UBOX5: variants seen among roughly 807,000 people sequenced by gnomAD.
The protein encoded by UBOX5 is RING finger protein 37.
In UBOX5, 28 loss-of-function variants were observed where a neutral mutation model predicts 39.0. That is an observed-to-expected ratio of 0.72 (90% CI 0.53 to 0.98). UBOX5 has a LOEUF of 0.98. Ranked by LOEUF, UBOX5 falls within the 50% of genes least tolerant of loss-of-function variation. The pLI is 0.00. For synonymous variants in UBOX5, 283 were observed against 275.5 expected (o/e 1.03, Z -0.27); for missense variants, 585 against 674.4 (o/e 0.87, Z 1.47).
chr20:3,123,271 A>T (rs2066352289), intron 2 of UBOX5, 41 bp downstream of exon 2: 2 of 1,585,628 alleles, frequency 1.3e-6, no homozygotes, highest in East Asian at 4.5e-5. Context: ...ACACATGACA[A>T]ACATAGCATA....
rs1249377964 is a variant in UBOX5 at position 3,122,388 on chromosome 20, T to G, written c.251A>C (p.Tyr84Ser). ...GGQNVTGLEM[Y>S]TSASSSRVSW... ...CACTCTGCTAGATGAGGCAGATGTG[T>G]ACATTTCCAGGCCAGTGACGTTCTG... The change falls in exon 3 of 5, where the codon TAC (tyrosine) becomes TCC (serine). Residue 84 changes from tyrosine (Y) to serine (S), a missense_variant. Tyr to Ser is a moderately radical substitution (Grantham distance 144, BLOSUM62 -2). Transcript: ENST00000217173. 1 of 1,614,090 alleles carries G rather than the reference T, an allele frequency of 6.2e-7. No individual in the cohort carries two copies. The highest frequency in any genetic ancestry group is 8.5e-7 in the Non-Finnish European group (1 of 1,180,020).
intron 1 of UBOX5, among the ~76,000 whole-genome samples, chr20:3,138,274 C>CAAA (rs60424679): frequency 2.2e-4 from 23 of 106,070 alleles, no homozygotes; most frequent in Non-Finnish European, 3.2e-4. Flanking sequence ...GAGACTGTCT[C>CAAA]AAAAAAAAAA....
intron 3 of UBOX5, 103 bp downstream of exon 3, chr20:3,121,281 C>T (rs1173644912): frequency 1.1e-5 from 16 of 1,487,462 alleles, no homozygotes; most frequent in South Asian, 1.4e-5. Context: ...GGCACAGCCT[C>T]GGGAATGTAA....
At chr20:3,112,794 G>A (rs927925161) in intron 4 of UBOX5, among the ~76,000 whole-genome samples, 8 of 151,882 alleles carry the variant, frequency 5.3e-5, no homozygotes, top group Admixed American at 4.6e-4. Flanking sequence ...GCGAAACCCC[G>A]TTTCTAACTA....
intron 1 of UBOX5, among the ~76,000 whole-genome samples, chr20:3,132,958 C>T (rs1432396043): frequency 8.2e-6 from 1 of 122,408 alleles, no homozygotes; most frequent in Non-Finnish European, 1.8e-5. Context: ...CCAGTCTCTA[C>T]AAAAAAAAAA....
intron 1 of UBOX5, chr20:3,148,859 G>T: frequency 1.2e-6 from 2 of 1,614,222 alleles, no homozygotes; most frequent in Non-Finnish European, 1.7e-6. Flanking sequence ...GGCACTGCTG[G>T]TTGTCAGGAT....
intron 1 of UBOX5, among the ~76,000 whole-genome samples, chr20:3,153,865 C>A (rs1191853473): frequency 6.6e-6 from 1 of 152,136 alleles, no homozygotes; most frequent in Non-Finnish European, 1.5e-5. Context: ...ATTCAAAAAT[C>A]CAAAATCTGA....
intron 2 of UBOX5, among the ~76,000 whole-genome samples, chr20:3,123,080 C>T (rs1045712784): frequency 1.3e-5 from 2 of 152,142 alleles, no homozygotes; most frequent in Non-Finnish European, 2.9e-5. Flanking sequence ...GAACAAAGAG[C>T]ACAGTGAAGA....
chr20:3,137,980 A>T (rs1407428909), intron 1 of UBOX5, among the ~76,000 whole-genome samples: 1 of 152,188 alleles, frequency 6.6e-6, no homozygotes, highest in Non-Finnish European at 1.5e-5. Flanking sequence ...GAAAATGCAA[A>T]AGTATATATA....
rs183917695 is a variant in UBOX5, at chr20:3,113,962, C to T, written c.1417+1343G>A. ...CAGCCTGGCCAACATGGTGAAACCCCATCTCTACTAAAAATACAAAAATTA... is the reference window on the plus strand; with the variant it reads ...CAGCCTGGCCAACATGGTGAAACCCTATCTCTACTAAAAATACAAAAATTA... On this transcript the variant is annotated intron_variant, in intron 4 of 4. Coordinates refer to ENST00000217173, the MANE Select transcript of UBOX5 (RefSeq NM_014948.4). Among the ~76,000 whole-genome samples the T allele has an allele frequency of 2.9e-3, 434 of 152,184 alleles. 3 individuals are homozygous for T. Among genetic ancestry groups the T allele is most frequent in the African/African-American group, 9.4e-3 (392 of 41,526 alleles).
chr20:3,109,952 T>G lies in UBOX5; in HGVS notation c.*154A>C. ...CCTATTGCCACCAGCGCAGAAGCAA[T>G]GTGCTATACCGTGAGGTGATGAAGA... On this transcript the variant is annotated 3_prime_UTR_variant, in exon 5 of 5. Transcript: ENST00000217173. The G allele has an allele frequency of 2.4e-6, 2 of 821,190 alleles. No individual in the cohort carries two copies. Among genetic ancestry groups the G allele is most frequent in the Non-Finnish European group, 3.8e-6 (2 of 526,708 alleles). The allele number at this position is 821,190 out of a possible 1,614,324, so 50.9% of individuals were successfully genotyped here.
chr20:3,134,083 G>A (rs748264773), intron 1 of UBOX5, among the ~76,000 whole-genome samples: 1 of 151,746 alleles, frequency 6.6e-6, no homozygotes, highest in Non-Finnish European at 1.5e-5. Flanking sequence ...AATGTTGTCT[G>A]TCATTCAAAT....
At chr20:3,113,393 G>A (rs768272635) in intron 4 of UBOX5, among the ~76,000 whole-genome samples, 1 of 152,122 alleles carries the variant, frequency 6.6e-6, no homozygotes, top group Non-Finnish European at 1.5e-5. Context: ...GACCTCAGAG[G>A]GAGTAGGAGT....
At chr20:3,126,334 C>T (rs940786107) in intron 1 of UBOX5, among the ~76,000 whole-genome samples, 13 of 151,906 alleles carry the variant, frequency 8.6e-5, no homozygotes, top group Non-Finnish European at 1.9e-4. Flanking sequence ...GTCATCACCA[C>T]TCCCTAATCT....
rs748372333 is a variant in UBOX5 at position 3,110,167 on chromosome 20, A to G, written c.1565T>C (p.Met522Thr). The change falls in exon 5 of 5, where the codon ATG becomes ACG. Residue 522 changes from methionine (M) to threonine (T), a missense_variant. Met to Thr is a moderately conservative substitution (Grantham distance 81, BLOSUM62 -1). Coordinates refer to ENST00000217173, the MANE Select transcript of UBOX5 (RefSeq NM_014948.4). ...CLGEKQRSLP[M>T]TCTACQRPVA... Reference sequence around the variant, plus strand: ...CGGCCGCTGGCAGGCTGTGCACGTCATGGGCAGGGAGCGTTGCTTCTCACC... The same window carrying G: ...CGGCCGCTGGCAGGCTGTGCACGTCGTGGGCAGGGAGCGTTGCTTCTCACC... 1 of 1,613,408 alleles carries G rather than the reference A, an allele frequency of 6.2e-7. No homozygotes were observed. Among genetic ancestry groups the G allele is most frequent in the Non-Finnish European group, 8.5e-7 (1 of 1,180,032 alleles).
chr20:3,139,374 A>C (rs953413936), intron 1 of UBOX5, among the ~76,000 whole-genome samples: 4 of 150,668 alleles, frequency 2.7e-5, no homozygotes, highest in African/African-American at 9.9e-5. Flanking sequence ...TTTCCTCTTT[A>C]TTTTTAATTT....
Position 3,149,908 on chromosome 20 carries a change from A to G in UBOX5, c.-42+9858T>C, listed in dbSNP as rs1230320993. On this transcript the variant is annotated intron_variant, in intron 1 of 4. Transcript: ENST00000217173. The surrounding 1 kb of genome is among the most constrained non-coding windows in gnomAD (Gnocchi z 4.1). ...GCAGCACACACCTGTAATCCCAGCTACTCAGGAGGCTGAGGCAGGAGAATC... is the reference window on the plus strand; with the variant it reads ...GCAGCACACACCTGTAATCCCAGCTGCTCAGGAGGCTGAGGCAGGAGAATC... 2.0e-5 allele frequency among the ~76,000 whole-genome samples: 3 copies of G among 151,386 alleles called. No homozygotes were observed. Among genetic ancestry groups the G allele is most frequent in the Non-Finnish European group, 2.9e-5 (2 of 67,928 alleles).
intron 1 of UBOX5, chr20:3,146,879 C>T (rs774827406): frequency 7.4e-6 from 12 of 1,614,060 alleles, no homozygotes; most frequent in Middle Eastern, 1.6e-4. Context: ...CTCTACCACA[C>T]GGTAGCCAAG....
intron 1 of UBOX5, among the ~76,000 whole-genome samples, chr20:3,143,615 G>A (rs559979026): frequency 1.6e-3 from 237 of 152,178 alleles, no homozygotes; most frequent in African/African-American, 5.4e-3. Context: ...CCAAGATGGC[G>A]AAACCCTGTC....
Sources: allele counts gnomAD v4.1 joint callset (sites outside exome capture counted in the v4.1 genomes callset), GRCh38; gene constraint gnomAD v4.1.1; non-coding constraint Gnocchi (gnomAD v3.1); transcripts MANE v1.5; gene names NCBI Gene and HGNC (gene_info 2026-07-23, HGNC 2026-07-21).